Variants in PAK6 observed in about 807,000 individuals in gnomAD.
PAK6 encodes the protein serine/threonine-protein kinase PAK 6.
A neutral mutation model predicts 60.8 loss-of-function variants in PAK6; 33 were observed. That is an observed-to-expected ratio of 0.54 (90% confidence interval 0.41 to 0.73). The LOEUF (loss-of-function observed/expected upper bound fraction) is 0.73, where lower values mean the gene tolerates loss of function less well. Among genes scored for constraint, PAK6 ranks in the 30% least tolerant of loss-of-function variants. PAK6 has a pLI of 0.00. For missense variants in PAK6, 845 were observed against 904.1 expected (o/e 0.93, Z 0.84); for synonymous variants, 404 against 378.5 (o/e 1.07, Z -0.78).
chr15:40,276,145 G>A, exon 11 of PAK6: 2 of 1,567,846 alleles, frequency 1.3e-6, no homozygotes, highest in Non-Finnish European at 1.7e-6. Context: ...GGCACACTGG[G>A]CAGCCAGCCT....
At chr15:40,252,324 C>G (rs1216213911) in intron 2 of PAK6, 2 of 1,269,320 alleles carry the variant, frequency 1.6e-6, no homozygotes, top group East Asian at 5.3e-5. Flanking sequence ...GAGGCGGCCA[C>G]TGGGCCGTGG....
chr15:40,266,259 C>T (rs35501648), exon 5 of PAK6: 3 of 1,610,704 alleles, frequency 1.9e-6, no homozygotes, highest in South Asian at 1.1e-5. Context: ...AGGAGCCTCG[C>T]CCCCCACGGG....
At chr15:40,262,550 G>C (rs1233276235) in intron 3 of PAK6, among the ~76,000 whole-genome samples, 1 of 152,108 alleles carries the variant, frequency 6.6e-6, no homozygotes, top group African/African-American at 2.4e-5. Flanking sequence ...AAAAGGCAAA[G>C]GCCAAAAGGA....
exon 11 of PAK6, chr15:40,276,090 G>C: frequency 1.2e-6 from 2 of 1,613,404 alleles, no homozygotes; most frequent in Non-Finnish European, 1.7e-6. Flanking sequence ...ACCTCCACCT[G>C]CTGAGCCCAC....
intron 3 of PAK6, chr15:40,258,689 G>A (rs2038902732): frequency 6.6e-6 from 1 of 152,398 alleles, no homozygotes; most frequent in Non-Finnish European, 1.5e-5. Context: ...CCTCCAGAAA[G>A]TGTGTGCCAG....
chr15:40,263,820 T>C (rs1435805871), intron 3 of PAK6: 1 of 437,378 alleles, frequency 2.3e-6, no homozygotes, highest in Non-Finnish European at 4.7e-6. Context: ...TTTCACCATG[T>C]TGGCCAAGCT....
At chr15:40,265,118 C>T in intron 4 of PAK6, 129 bp downstream of exon 4, 1 of 856,910 alleles carries the variant, frequency 1.2e-6, no homozygotes, top group Non-Finnish European at 1.8e-6. Context: ...GCTGTTTTAA[C>T]TCCCTGCCTG....
chr15:40,247,645 C>T (rs112211658), intron 2 of PAK6, among the ~76,000 whole-genome samples: 37 of 152,236 alleles, frequency 2.4e-4, no homozygotes, highest in East Asian at 1.5e-3. Flanking sequence ...GAGAGAGGCT[C>T]GAGGTTCTGC....
Position 40,275,280 on chromosome 15 carries a change from G to GTTTTTTTTTTT in PAK6, c.1879-635_1879-625dup, listed in dbSNP as rs869058525. Among the ~76,000 whole-genome samples, 213 of 56,482 alleles carry GTTTTTTTTTTT rather than the reference G, an allele frequency of 3.8e-3. 51 individuals are homozygous for GTTTTTTTTTTT. Among genetic ancestry groups the GTTTTTTTTTTT allele is most frequent in the African/African-American group, 0.013 (186 of 13,818 alleles). 37.1% of individuals were successfully genotyped at this position (56,482 alleles called of 152,430 possible). On this transcript the variant is annotated intron_variant, in intron 10 of 10. Transcript: ENST00000560346. ...GACTTGTTTGTTTCTGTTGTTGTTG[G>GTTTTTTTTTTT]TTTTTTTTTTTTTTTTTTTTTTGGA...
chr15:40,272,193 C>G, intron 5 of PAK6, 31 bp from the exon 6 acceptor site: 1 of 1,588,314 alleles, frequency 6.3e-7, no homozygotes, highest in Non-Finnish European at 8.6e-7. Flanking sequence ...CTCCCACAGC[C>G]CTGACCCTTC....
chr15:40,275,280 G>GTTTTCTTTTTTTTT (rs1448905930), intron 10 of PAK6, among the ~76,000 whole-genome samples: 8 of 56,508 alleles, frequency 1.4e-4, no homozygotes, highest in Non-Finnish European at 1.5e-4. Flanking sequence ...GTTGTTGTTG[G>GTTTTCTTTTTTTTT]TTTTTTTTTT....
At chr15:40,263,725 C>T in intron 3 of PAK6, 1 of 337,544 alleles carries the variant, frequency 3.0e-6, no homozygotes. Context: ...AGCGATTCTC[C>T]TCCCTCAACC....
At chr15:40,265,028 A>C (rs1349995745) in intron 4 of PAK6, 39 bp downstream of exon 4, 52 of 1,576,976 alleles carry the variant, frequency 3.3e-5, no homozygotes, top group Non-Finnish European at 4.3e-5. Flanking sequence ...AGCCTCTCCC[A>C]GTACTCAGAC....
intron 5 of PAK6, among the ~76,000 whole-genome samples, chr15:40,271,693 C>A (rs1391555994): frequency 6.6e-6 from 1 of 152,078 alleles, no homozygotes; most frequent in African/African-American, 2.4e-5. Flanking sequence ...GGCTATCGGG[C>A]CCCAGGTGTG....
rs993616591 is a variant in PAK6 at position 40,266,099 on chromosome 15, C to A, written c.462C>A (p.Gly154=). The change falls in exon 5 of 11, where the codon GGC becomes GGA. Residue 154 remains glycine (G), a synonymous_variant. Coordinates refer to ENST00000560346, the Ensembl canonical transcript of PAK6. Reference sequence around the variant, plus strand: ...GCTGCAACGGGGGCACACCAGCAGGCCACAAGCAGATGCCGTGGCCCGAGC... The same window carrying A: ...GCTGCAACGGGGGCACACCAGCAGGACACAAGCAGATGCCGTGGCCCGAGC... 3 of 1,609,300 alleles carry A rather than the reference C, an allele frequency of 1.9e-6. 1 individual carries two copies. In the Admixed American group the frequency reaches 5.0e-5, roughly 27 times the overall value.
chr15:40,273,673 T>G (rs768346025), exon 9 of PAK6: 60 of 1,613,664 alleles, frequency 3.7e-5, no homozygotes, highest in Non-Finnish European at 4.8e-5. Context: ...TGTATGCCAC[T>G]GAGGTAACCG....
intron 10 of PAK6, 118 bp from the exon 11 acceptor site, chr15:40,275,809 A>G: frequency 1.1e-6 from 1 of 937,930 alleles, no homozygotes; most frequent in South Asian, 1.5e-5. Flanking sequence ...GGGACAAGGG[A>G]ACAGGAAGTT....
chr15:40,275,532 A>G (rs2039433812), intron 10 of PAK6, among the ~76,000 whole-genome samples: 1 of 151,946 alleles, frequency 6.6e-6, no homozygotes. Flanking sequence ...TAATCTGCCC[A>G]ACTTGGCCTC....
intron 3 of PAK6, among the ~76,000 whole-genome samples, chr15:40,260,578 C>A (rs1022295105): frequency 2.3e-4 from 35 of 152,298 alleles, no homozygotes; most frequent in African/African-American, 8.4e-4. Context: ...CTATTTAGTA[C>A]AATCCTCCAA....
Sources: allele counts gnomAD v4.1 joint callset (sites outside exome capture counted in the v4.1 genomes callset), GRCh38; gene constraint gnomAD v4.1.1; transcripts MANE v1.5; gene names NCBI Gene and HGNC (gene_info 2026-07-23, HGNC 2026-07-21).